CHID1: variants seen among roughly 807,000 people sequenced by gnomAD.
The protein encoded by CHID1 is chitinase domain-containing protein 1.
Under a neutral mutation model 55.4 loss-of-function variants are expected in CHID1, and 44 were observed. That is an observed-to-expected ratio of 0.79 (90% CI 0.62 to 1.02). CHID1 has a LOEUF of 1.02. CHID1 is among the 50% of genes least tolerant of loss of function. The pLI, the probability that CHID1 is intolerant of heterozygous loss-of-function variation, is 0.00. For missense variants in CHID1, 491 were observed against 515.3 expected (o/e 0.95, Z 0.46); for synonymous variants, 216 against 212.9 (o/e 1.01, Z -0.13).
intron 11 of CHID1, 43 bp from the exon 12 acceptor site, chr11:870,206 C>A (rs750125161): frequency 6.2e-7 from 1 of 1,612,242 alleles, no homozygotes; most frequent in Non-Finnish European, 8.5e-7. Flanking sequence ...TCTGCTGGTT[C>A]CAGGCCTCCT....
rs1216459839 is a variant in CHID1 at position 870,476 on chromosome 11, T to C, written c.983A>G (p.His328Arg). 1.2e-6 allele frequency: 2 copies of C among 1,611,398 alleles called. No homozygotes were observed. Among genetic ancestry groups the C allele is most frequent in the East Asian group, 4.5e-5 (2 of 44,870 alleles). Reference sequence around the variant, plus strand: ...GCTGTCCCACACCATCCGGGGCCTGTGGTCCTTCAGTGTCTGGATGTACCT... The same window carrying C: ...GCTGTCCCACACCATCCGGGGCCTGCGGTCCTTCAGTGTCTGGATGTACCT... ...GARYIQTLKD[H>R]RPRMVWDSQA... Residue 328 changes from histidine (H) to arginine (R), a missense_variant, in exon 11 of 13, where the codon CAC becomes CGC. Coordinates refer to ENST00000323578, the MANE Select transcript of CHID1 (RefSeq NM_023947.4).
At chr11:911,658 C>CT (rs1852697054), upstream of CHID1, among the ~76,000 whole-genome samples, 1 of 152,178 alleles carries the variant, frequency 6.6e-6, no homozygotes, top group African/African-American at 2.4e-5. Context: ...TAAGCTTTGT[C>CT]TTTCTTTCTA....
chr11:900,777 A>G (rs1221505818), intron 5 of CHID1, among the ~76,000 whole-genome samples, 159 bp downstream of exon 5: 1 of 152,168 alleles, frequency 6.6e-6, no homozygotes, highest in African/African-American at 2.4e-5. Context: ...AGGGCTGTGA[A>G]TGCCAGGCCA....
chr11:870,460 C>T lies in CHID1; in HGVS notation c.999G>A (p.Val333=), dbSNP rs770165120. The T allele has an allele frequency of 1.2e-6, 2 of 1,612,324 alleles. No homozygotes were observed. The highest frequency in any genetic ancestry group is 1.1e-5 in the South Asian group (1 of 90,792). Residue 333 remains valine (V), a synonymous_variant, in exon 11 of 13, where the codon GTG becomes GTA. Transcript: ENST00000323578. ...QTLKDHRPRM[V]WDSQASEHFF... ...AGTGCTCTGAGGCCTGGCTGTCCCA[C>T]ACCATCCGGGGCCTGTGGTCCTTCA...
rs986745461 is a variant in CHID1, at chr11:889,137, C to T, written c.701+4290G>A. Among the ~76,000 whole-genome samples, 15 of 152,282 alleles carry T rather than the reference C, an allele frequency of 9.9e-5. No individual in the cohort carries two copies. The East Asian group carries it at 2.9e-3, about 29-fold the overall frequency. Reference sequence around the variant, plus strand: ...CGTGGACCCCACAGCTGCCAGAGGCCGGGGCGGCTGCGGCCTCCAGAACAG... The same window carrying T: ...CGTGGACCCCACAGCTGCCAGAGGCTGGGGCGGCTGCGGCCTCCAGAACAG... On this transcript the variant is annotated intron_variant, in intron 8 of 12. Coordinates refer to ENST00000323578, the MANE Select transcript of CHID1 (RefSeq NM_023947.4).
intron 7 of CHID1, among the ~76,000 whole-genome samples, chr11:895,902 C>T (rs1851235803): frequency 6.6e-6 from 1 of 152,002 alleles, no homozygotes; most frequent in Non-Finnish European, 1.5e-5. Context: ...AGCTCCCCAC[C>T]TTCCCGCAGC....
intron 10 of CHID1, among the ~76,000 whole-genome samples, chr11:872,315 G>A (rs1048738008): frequency 1.3e-5 from 2 of 152,132 alleles, no homozygotes; most frequent in African/African-American, 4.8e-5. Flanking sequence ...CCGCCACCAC[G>A]CCCAGCTGGT....
chr11:906,517 T>C (rs1852227234), intron 1 of CHID1, among the ~76,000 whole-genome samples: 1 of 151,902 alleles, frequency 6.6e-6, no homozygotes, highest in South Asian at 2.1e-4. Flanking sequence ...CGCCCAGCCA[T>C]GGGGGATTTT....
At chr11:891,716 G>A (rs1452246769) in intron 8 of CHID1, among the ~76,000 whole-genome samples, 1 of 152,184 alleles carries the variant, frequency 6.6e-6, no homozygotes, top group East Asian at 1.9e-4. Context: ...CCCCAGGCCT[G>A]TAGTCCTCCC....
upstream of CHID1, chr11:910,950 C>T (rs932464502): frequency 2.4e-6 from 1 of 417,996 alleles, no homozygotes; most frequent in Non-Finnish European, 3.2e-6. Flanking sequence ...GGGCCGGGGC[C>T]GGGGCCGGGG....
chr11:911,931 C>T (rs532094189), upstream of CHID1, among the ~76,000 whole-genome samples: 158 of 152,318 alleles, frequency 1.0e-3, 1 homozygote, highest in African/African-American at 3.7e-3. Flanking sequence ...TATGCGCAGT[C>T]CTCCCAATGC....
At chr11:910,307 G>C (rs1318025994) in intron 1 of CHID1, among the ~76,000 whole-genome samples, 2 of 152,106 alleles carry the variant, frequency 1.3e-5, no homozygotes, top group Admixed American at 6.5e-5. Context: ...AGCCCGCCTG[G>C]AGCCCTACTG....
intron 6 of CHID1, among the ~76,000 whole-genome samples, chr11:899,649 C>T (rs926482564): frequency 1.3e-5 from 2 of 152,218 alleles, no homozygotes; most frequent in Non-Finnish European, 2.9e-5. Context: ...TCCCCCAACC[C>T]CACCCCGGGG....
intron 10 of CHID1, among the ~76,000 whole-genome samples, chr11:872,459 T>C (rs28489544): frequency 0.99 from 151,062 of 152,332 alleles, 74,917 homozygotes; most frequent in Middle Eastern, 1. Flanking sequence ...ACCCAGTCCC[T>C]CTAGACTCTG....
At chr11:888,812 T>C (rs1387279481) in intron 8 of CHID1, among the ~76,000 whole-genome samples, 1 of 151,736 alleles carries the variant, frequency 6.6e-6, no homozygotes, top group Non-Finnish European at 1.5e-5. Context: ...CGGCCTCGAC[T>C]GGACCCCGGG....
Position 884,156 on chromosome 11 carries a change from C to A in CHID1, c.715G>T (p.Gly239Cys). ...TCAAACTCCTTGTGCGTGAACATGC[C>A]CAGCTGGTCGGTCCTGTAACAGACA... The part of the protein sequence containing the change: ...PAITPGTDQL[G>C]MFTHKEFEQL... Residue 239 changes from glycine to cysteine, a missense_variant, in exon 9 of 13, where the codon GGC becomes TGC. By Grantham distance (159) the Gly-to-Cys change is radical (BLOSUM62 -3). Coordinates refer to ENST00000323578, the MANE Select transcript of CHID1 (RefSeq NM_023947.4). The A allele has an allele frequency of 6.2e-7, 1 of 1,614,018 alleles. No homozygotes were observed. Among genetic ancestry groups the A allele is most frequent in the Non-Finnish European group, 8.5e-7 (1 of 1,179,950 alleles).
chr11:886,387 A>T (rs1446249562), intron 8 of CHID1, among the ~76,000 whole-genome samples: 3 of 151,816 alleles, frequency 2.0e-5, no homozygotes, highest in Non-Finnish European at 4.4e-5. Context: ...TGAGCCCAGG[A>T]GGTGGAGGCT....
Position 868,944 on chromosome 11 carries a change from G to C in CHID1, c.*914C>G, listed in dbSNP as rs1267582158. On this transcript the variant is annotated 3_prime_UTR_variant, in exon 13 of 13. Coordinates refer to ENST00000323578, the MANE Select transcript of CHID1 (RefSeq NM_023947.4). ...CCCTGTGGGACCCAGTGGTGAGGAG[G>C]GGAGTCCTCACGGCCAGCCAAGGAC... The C allele has an allele frequency of 6.6e-6, 1 of 152,232 alleles. No homozygotes were observed. Among genetic ancestry groups the C allele is most frequent in the Non-Finnish European group, 1.5e-5 (1 of 68,106 alleles). The allele number at this position is 152,232 out of a possible 1,614,324, so 9.4% of individuals were successfully genotyped here.
chr11:897,963 G>T (rs138707587), intron 7 of CHID1, among the ~76,000 whole-genome samples: 2 of 152,240 alleles, frequency 1.3e-5, no homozygotes, highest in African/African-American at 4.8e-5. Context: ...TTCTGGAGCC[G>T]GGGCCTGGGA....
Sources: allele counts gnomAD v4.1 joint callset (sites outside exome capture counted in the v4.1 genomes callset), GRCh38; gene constraint gnomAD v4.1.1; transcripts MANE v1.5; gene names NCBI Gene and HGNC (gene_info 2026-07-23, HGNC 2026-07-21).